HOMER1: variants seen among roughly 807,000 people sequenced by gnomAD.
The protein encoded by HOMER1 is homer protein homolog 1.
HOMER1 carries 3 observed loss-of-function variants against 48.9 expected under a neutral mutation model. The observed-to-expected ratio is 0.06, with a 90% CI of 0.03 to 0.16. The LOEUF is 0.16. HOMER1 is among the 10% of genes least tolerant of loss of function. HOMER1 has a pLI of 1.00. For synonymous variants in HOMER1, 134 were observed against 146.4 expected (o/e 0.92, Z 0.61); for missense variants, 247 against 411.4 (o/e 0.60, Z 3.46).
chr5:79,392,957 GAGA>G (rs1749291278), intron 8 of HOMER1, among the ~76,000 whole-genome samples: 6 of 14,442 alleles, frequency 4.2e-4, no homozygotes, highest in African/African-American at 5.5e-4. Flanking sequence ...GGGAAAGGGA[GAGA>G]GAGAGAGAGA....
intron 1 of HOMER1, among the ~76,000 whole-genome samples, chr5:79,485,265 G>A (rs747362598): frequency 6.6e-5 from 10 of 152,176 alleles, no homozygotes; most frequent in Non-Finnish European, 1.3e-4. Flanking sequence ...TTCTTGCCAC[G>A]CACGGGGTGA....
chr5:79,446,882 G>A (rs1007090466), intron 4 of HOMER1, among the ~76,000 whole-genome samples, 171 bp downstream of exon 4: 10 of 146,282 alleles, frequency 6.8e-5, no homozygotes, highest in African/African-American at 2.3e-4. Flanking sequence ...TTGAAATCCC[G>A]GGCTCAAGTA....
At chr5:79,427,541 A>G (rs1371180838) in intron 5 of HOMER1, among the ~76,000 whole-genome samples, 1 of 152,068 alleles carries the variant, frequency 6.6e-6, no homozygotes, top group African/African-American at 2.4e-5. Flanking sequence ...GGCGTGCACT[A>G]CCACACTCAG....
chr5:79,379,239 ATATTATATATATC>A (rs1748884478), intron 8 of HOMER1, among the ~76,000 whole-genome samples: 1 of 68,814 alleles, frequency 1.5e-5, no homozygotes, highest in Admixed American at 1.9e-4. Flanking sequence ...TATATATTAT[ATATTATATATATC>A]TATTATATAT....
chr5:79,425,329 G>C (rs1024606632), intron 5 of HOMER1, among the ~76,000 whole-genome samples: 2 of 151,898 alleles, frequency 1.3e-5, no homozygotes, highest in Non-Finnish European at 2.9e-5. Flanking sequence ...GGATGTAAGA[G>C]AATAAAGAGT....
chr5:79,479,463 G>C (rs1429378476), intron 1 of HOMER1, among the ~76,000 whole-genome samples: 8 of 152,168 alleles, frequency 5.3e-5, no homozygotes, highest in African/African-American at 9.7e-5. Flanking sequence ...AAGGTGATAT[G>C]ATGAAGGAAG....
chr5:79,489,406 A>T (rs1399800506), intron 1 of HOMER1, among the ~76,000 whole-genome samples: 1 of 152,110 alleles, frequency 6.6e-6, no homozygotes. Context: ...CAGTTGCCTC[A>T]TTTAAAAATA....
At chr5:79,472,987 A>G (rs1251289365) in intron 1 of HOMER1, among the ~76,000 whole-genome samples, 1 of 152,186 alleles carries the variant, frequency 6.6e-6, no homozygotes, top group Non-Finnish European at 1.5e-5. Flanking sequence ...GTTATCCTAC[A>G]CAAGTAATCT....
chr5:79,504,054 C>T (rs1219233674), intron 1 of HOMER1, among the ~76,000 whole-genome samples: 2 of 152,058 alleles, frequency 1.3e-5, no homozygotes. Flanking sequence ...ATCAATTTAA[C>T]AATAGTAAAA....
intron 5 of HOMER1, among the ~76,000 whole-genome samples, chr5:79,421,216 C>T (rs1002692663): frequency 1.3e-5 from 2 of 152,172 alleles, no homozygotes; most frequent in African/African-American, 2.4e-5. Flanking sequence ...CTTTCTACTT[C>T]CAAGAAATGA....
At chr5:79,391,514 G>A (rs1455613550) in intron 8 of HOMER1, among the ~76,000 whole-genome samples, 3 of 151,906 alleles carry the variant, frequency 2.0e-5, no homozygotes, top group Non-Finnish European at 4.4e-5. Context: ...GGAGGCCGAG[G>A]TGGGCAGATC....
chr5:79,418,626 G>A (rs1015382302), intron 5 of HOMER1, among the ~76,000 whole-genome samples: 3 of 152,140 alleles, frequency 2.0e-5, no homozygotes, highest in African/African-American at 7.2e-5. Flanking sequence ...ACATTGTCAT[G>A]TATGATATCT....
chr5:79,508,959 T>G (rs1247086370), intron 1 of HOMER1, among the ~76,000 whole-genome samples: 1 of 152,190 alleles, frequency 6.6e-6, no homozygotes, highest in Admixed American at 6.5e-5. Flanking sequence ...AATGACGAAT[T>G]AAGGACTTGC....
chr5:79,489,482 A>T (rs1212421378), intron 1 of HOMER1, among the ~76,000 whole-genome samples: 1 of 152,058 alleles, frequency 6.6e-6, no homozygotes, highest in African/African-American at 2.4e-5. Flanking sequence ...GCTTGAACCC[A>T]GGAGGCGGAG....
intron 1 of HOMER1, among the ~76,000 whole-genome samples, chr5:79,471,309 G>A (rs1751607405): frequency 6.6e-6 from 1 of 152,098 alleles, no homozygotes; most frequent in Non-Finnish European, 1.5e-5. Flanking sequence ...ACTTTGGGAG[G>A]CCGAGGCAGG....
In HOMER1 at chr5:79,482,432, A is replaced by G. The variant is rs192155855; in HGVS notation, c.6-25414T>C. On this transcript the variant is annotated intron_variant, in intron 1 of 8. Coordinates refer to ENST00000334082, the MANE Select transcript of HOMER1 (RefSeq NM_004272.5). ...ACAGTCTACATGTTCAATAAGGTAGACGAAGACATAAGCAGTTACACTTGA... is the reference window on the plus strand; with the variant it reads ...ACAGTCTACATGTTCAATAAGGTAGGCGAAGACATAAGCAGTTACACTTGA... Among the ~76,000 whole-genome samples, 3 of 152,300 alleles carry G rather than the reference A, an allele frequency of 2.0e-5. No homozygotes were observed. In the East Asian group the frequency reaches 5.8e-4, roughly 29 times the overall value.
intron 4 of HOMER1, among the ~76,000 whole-genome samples, chr5:79,441,508 CA>C (rs916051027): frequency 6.6e-6 from 1 of 152,072 alleles, no homozygotes; most frequent in Admixed American, 6.5e-5. Flanking sequence ...GCAATTCCAA[CA>C]TCTCAAAGCA....
chr5:79,475,708 A>G lies in HOMER1; in HGVS notation c.6-18690T>C, dbSNP rs143715655. On this transcript the variant is annotated intron_variant, in intron 1 of 8. Coordinates refer to ENST00000334082, the MANE Select transcript of HOMER1 (RefSeq NM_004272.5). ...AAGTGGGATCATTCTATCAAAATAC[A>G]GATTATTTTCCCTTGCAGAAGGAAG... 1.0e-3 allele frequency among the ~76,000 whole-genome samples: 153 copies of G among 152,294 alleles called. No homozygotes were observed. The East Asian group carries it at 0.011, about 11-fold the overall frequency.
At position 79,405,332 on chromosome 5, in the gene HOMER1, A is replaced by G. The variant is rs146844403; in HGVS notation, c.528-3277T>C. On this transcript the variant is annotated intron_variant, in intron 5 of 8. Coordinates refer to ENST00000334082, the MANE Select transcript of HOMER1 (RefSeq NM_004272.5). ...TTCTAGCCTCCAGAACTATGAGAAA[A>G]TAGATTTCTATAGTTTAAGCCATGC... 2.3e-3 allele frequency among the ~76,000 whole-genome samples: 344 copies of G among 152,282 alleles called. 1 individual carries two copies. Among genetic ancestry groups the G allele is most frequent in the African/African-American group, 7.9e-3 (328 of 41,562 alleles).
Sources: gnomAD v4.1 joint callset for allele counts (sites outside exome capture counted in the v4.1 genomes callset) on GRCh38, gnomAD v4.1.1 for gene constraint, MANE v1.5 for transcripts, NCBI Gene and HGNC (gene_info 2026-07-23, HGNC 2026-07-21) for gene names.